The following ZNF148 variants were observed in gnomAD, a reference collection of about 807,000 sequenced individuals.
The protein encoded by ZNF148 is zinc finger protein 148.
In ZNF148, 7 loss-of-function variants were observed where a neutral mutation model predicts 67.7. The ratio of observed to expected loss-of-function variants is 0.10; its 90% CI spans 0.06 to 0.19. The LOEUF is 0.19. ZNF148 is among the 10% of genes least tolerant of loss of function. The pLI is 1.00. For missense variants in ZNF148, 583 were observed against 947.1 expected, an observed-to-expected ratio of 0.62 and a Z score of 5.05; for synonymous variants, 333 against 330.7, an observed-to-expected ratio of 1.01 and a Z score of -0.08.
intron 1 of ZNF148, among the ~76,000 whole-genome samples, chr3:125,363,277 C>T (rs1942599487): frequency 6.6e-6 from 1 of 152,180 alleles, no homozygotes; most frequent in African/African-American, 2.4e-5. Context: ...CAAATAATTT[C>T]ATAACCGTCA....
intron 4 of ZNF148, chr3:125,310,910 G>A (rs529098598): frequency 9.3e-6 from 2 of 216,134 alleles, no homozygotes; most frequent in South Asian, 8.6e-5. Context: ...GACACCCACC[G>A]TTACCCCCAG....
Position 125,313,577 on chromosome 3 carries a change from A to G in ZNF148, c.64T>C (p.Ser22Pro). 1 of 1,614,164 alleles carries G rather than the reference A, an allele frequency of 6.2e-7. No homozygotes were observed. The highest frequency in any genetic ancestry group is 1.1e-5 in the South Asian group (1 of 91,086). ...CCCATTACAACCATTGTCCTGGAAG[A>G]CTGCATTTCGTCTATGCCGCCACAT... ...LKCGGIDEMQ[S>P]SRTMVVMGGV... The change falls in exon 4 of 9, where the codon TCT (serine) becomes CCT (proline). Residue 22 changes from serine (S) to proline (P), a missense_variant. By Grantham distance (74) the Ser-to-Pro change is moderately conservative. Around this residue, in one of 5 missense-constraint regions of ZNF148, gnomAD observed 150 missense variants for 202.5 expected, o/e 0.74. Coordinates refer to ENST00000360647, the MANE Select transcript of ZNF148 (RefSeq NM_021964.3).
At chr3:125,286,271 G>A (rs1220313686) in intron 5 of ZNF148, among the ~76,000 whole-genome samples, 1 of 152,104 alleles carries the variant, frequency 6.6e-6, no homozygotes, top group Non-Finnish European at 1.5e-5. Flanking sequence ...GGGAAGAAAA[G>A]AAGAAGGGAG....
rs766655759 is a variant in ZNF148 at position 125,232,342 on chromosome 3, T to C, written c.2384A>G (p.Ter795=). The C allele has an allele frequency of 3.2e-6, 5 of 1,545,632 alleles. No individual in the cohort carries two copies. Among genetic ancestry groups the C allele is most frequent in the African/African-American group, 1.5e-5 (1 of 67,794 alleles). Residue 795 remains the stop codon, a stop_retained_variant, in exon 9 of 9, where the codon TAA becomes TGA. Transcript: ENST00000360647. This position sits in a 1 kb window ranked among gnomAD's most constrained non-coding sequence, Gnocchi z 4.2. ...PDATTGQTFG[*] The stretch of plus-strand genomic sequence containing the variant: ...ATTATTTACACTTTTTTTTTTTTTT[T>C]AGCCAAAAGTCTGGCCAGTTGTGGC...
intron 5 of ZNF148, among the ~76,000 whole-genome samples, chr3:125,279,884 C>T (rs1310447438): frequency 1.3e-5 from 2 of 151,508 alleles, no homozygotes; most frequent in African/African-American, 4.9e-5. Flanking sequence ...AAGTATATAA[C>T]CTTGATTGTG....
intron 4 of ZNF148, among the ~76,000 whole-genome samples, chr3:125,308,526 TAA>T (rs202081671): frequency 4.9e-5 from 2 of 40,484 alleles, no homozygotes; most frequent in African/African-American, 2.0e-4. Flanking sequence ...GACTTTTCTA[TAA>T]AAAAAAAAAA....
chr3:125,336,739 C>CA (rs1327998491), intron 1 of ZNF148, among the ~76,000 whole-genome samples: 10 of 123,724 alleles, frequency 8.1e-5, no homozygotes, highest in African/African-American at 3.1e-4. Context: ...TGCGGTGGTA[C>CA]AATCTCAGCT....
intron 4 of ZNF148, chr3:125,292,523 A>G (rs1334069053): frequency 3.3e-5 from 5 of 152,196 alleles, no homozygotes; most frequent in African/African-American, 1.2e-4. Context: ...CAAGTTCCAT[A>G]AAATCACCTA....
At chr3:125,301,642 A>G (rs79098608) in intron 4 of ZNF148, among the ~76,000 whole-genome samples, 1 of 152,220 alleles carries the variant, frequency 6.6e-6, no homozygotes, top group African/African-American at 2.4e-5. Flanking sequence ...AACATGCTCA[A>G]TATCAATTTT....
intron 7 of ZNF148, among the ~76,000 whole-genome samples, chr3:125,247,761 C>G (rs1420486197): frequency 6.6e-6 from 1 of 152,084 alleles, no homozygotes; most frequent in East Asian, 1.9e-4. Context: ...TTCGTGGCTT[C>G]CACAGATTAG....
chr3:125,260,085 C>G (rs1267854109), intron 7 of ZNF148, among the ~76,000 whole-genome samples: 3 of 152,166 alleles, frequency 2.0e-5, no homozygotes, highest in African/African-American at 7.2e-5. Flanking sequence ...CGATTAAGTT[C>G]ACTCTCTTAT....
intron 7 of ZNF148, among the ~76,000 whole-genome samples, chr3:125,265,127 A>T (rs1044816482): frequency 1.3e-5 from 2 of 152,258 alleles, no homozygotes; most frequent in African/African-American, 2.4e-5. Context: ...TTCTGCTAAG[A>T]TAGTCTGTTA....
chr3:125,279,819 T>C (rs1432574621), intron 5 of ZNF148, among the ~76,000 whole-genome samples: 3 of 151,612 alleles, frequency 2.0e-5, no homozygotes, highest in Non-Finnish European at 4.4e-5. Flanking sequence ...AAGGTACATA[T>C]AGGAATATAT....
chr3:125,352,134 AAAAAC>A (rs1265093565), intron 1 of ZNF148, among the ~76,000 whole-genome samples: 5 of 152,162 alleles, frequency 3.3e-5, no homozygotes, highest in South Asian at 2.1e-4. Context: ...CCAAAAAAAA[AAAAAC>A]AAAGTGGAAA....
chr3:125,322,428 AC>A (rs1940824236), intron 3 of ZNF148, among the ~76,000 whole-genome samples: 1 of 152,060 alleles, frequency 6.6e-6, no homozygotes, highest in Admixed American at 6.6e-5. Context: ...ATTAAGTGCA[AC>A]ATATGGCTGC....
intron 1 of ZNF148, chr3:125,344,083 G>C (rs1033704159): frequency 5.4e-6 from 1 of 183,586 alleles, no homozygotes; most frequent in African/African-American, 2.4e-5. Context: ...TAAATTACTT[G>C]AGTTACCCAA....
At chr3:125,243,710 G>A (rs1243544442) in intron 7 of ZNF148, among the ~76,000 whole-genome samples, 1 of 151,956 alleles carries the variant, frequency 6.6e-6, no homozygotes, top group South Asian at 2.1e-4. Flanking sequence ...TTTTTTTATA[G>A]AGACAGGGTC....
At chr3:125,256,206 A>G (rs1937068571) in intron 7 of ZNF148, among the ~76,000 whole-genome samples, 1 of 151,636 alleles carries the variant, frequency 6.6e-6, no homozygotes, top group South Asian at 2.1e-4. Flanking sequence ...TACTGAAAAT[A>G]CAGAAAAAAA....
chr3:125,318,951 G>T (rs1485082584), intron 3 of ZNF148, among the ~76,000 whole-genome samples: 1 of 151,922 alleles, frequency 6.6e-6, no homozygotes, highest in East Asian at 1.9e-4. Flanking sequence ...TATCTAGGGG[G>T]CCACAACACA....
Sources: allele counts gnomAD v4.1 joint callset (sites outside exome capture counted in the v4.1 genomes callset), GRCh38; gene constraint gnomAD v4.1.1; regional missense constraint gnomAD v4.1.1; non-coding constraint Gnocchi (gnomAD v3.1); transcripts MANE v1.5; gene names NCBI Gene and HGNC (gene_info 2026-07-23, HGNC 2026-07-21).